SAMTOR: variants seen among roughly 807,000 people sequenced by gnomAD.
The protein encoded by SAMTOR is S-adenosylmethionine sensor upstream of mTORC1.
the SAMTOR span, among the ~76,000 whole-genome samples, chr7:112,928,113 G>A: frequency 2.6e-5 from 4 of 151,936 alleles, no homozygotes; most frequent in Non-Finnish European, 4.4e-5. Context: ...TTGTGATTAA[G>A]ACATTATTAC....
At chr7:112,871,059 TCAGA>T in the SAMTOR span, among the ~76,000 whole-genome samples, 1 of 152,104 alleles carries the variant, frequency 6.6e-6, no homozygotes, top group African/African-American at 2.4e-5. Context: ...AGGAAAAGAC[TCAGA>T]CAGCCACAGG....
the SAMTOR span, among the ~76,000 whole-genome samples, chr7:112,922,641 G>A: frequency 2.1e-4 from 32 of 149,774 alleles, no homozygotes; most frequent in African/African-American, 5.2e-4. Flanking sequence ...ACCTCTGCCC[G>A]GCCATGACCC....
the SAMTOR span, among the ~76,000 whole-genome samples, chr7:112,823,388 T>C: frequency 6.6e-6 from 1 of 152,194 alleles, no homozygotes; most frequent in South Asian, 2.1e-4. Context: ...TTCCCCTTTA[T>C]AGTCCCTTCC....
At chr7:112,848,575 G>A in the SAMTOR span, among the ~76,000 whole-genome samples, 1 of 152,148 alleles carries the variant, frequency 6.6e-6, no homozygotes, top group African/African-American at 2.4e-5. Flanking sequence ...GGAGCCTGCA[G>A]AATAAGCAAG....
the SAMTOR span, chr7:112,821,604 A>G: frequency 1.3e-6 from 1 of 785,354 alleles, no homozygotes; most frequent in Non-Finnish European, 1.9e-6. Flanking sequence ...TGAGAAGTAG[A>G]AAAAAATAGC....
chr7:112,854,983 C>G, the SAMTOR span, among the ~76,000 whole-genome samples: 2 of 152,146 alleles, frequency 1.3e-5, no homozygotes. Context: ...TTGCTATCAT[C>G]ATGAATATCA....
the SAMTOR span, among the ~76,000 whole-genome samples, chr7:112,901,981 A>G: frequency 6.6e-6 from 1 of 152,228 alleles, no homozygotes; most frequent in Non-Finnish European, 1.5e-5. Context: ...ATCAAGCCAT[A>G]AAAAGACACA....
the SAMTOR span, among the ~76,000 whole-genome samples, chr7:112,824,782 C>T: frequency 1.4e-4 from 22 of 152,250 alleles, no homozygotes; most frequent in East Asian, 3.9e-3. Context: ...GCAAAAATCA[C>T]GTACGTAAGT....
chr7:112,918,678 T>C, the SAMTOR span, among the ~76,000 whole-genome samples: 1 of 152,102 alleles, frequency 6.6e-6, no homozygotes, highest in Non-Finnish European at 1.5e-5. Context: ...TCAAGACCCA[T>C]CAGTGTGCTG....
the SAMTOR span, among the ~76,000 whole-genome samples, chr7:112,874,532 C>T: frequency 7.2e-5 from 11 of 152,012 alleles, no homozygotes. Context: ...AAAAACTTCC[C>T]ATTAGGTACT....
chr7:112,819,832 T>C, the SAMTOR span: 2 of 152,540 alleles, frequency 1.3e-5, no homozygotes, highest in African/African-American at 4.8e-5. Context: ...AGCATTTTCA[T>C]TTGGTGTATT....
the SAMTOR span, among the ~76,000 whole-genome samples, chr7:112,829,915 C>A: frequency 6.6e-6 from 1 of 152,212 alleles, no homozygotes; most frequent in Middle Eastern, 3.4e-3. Context: ...TTGGACAGTA[C>A]CTTATCTAGT....
chr7:112,833,219 C>A, the SAMTOR span, among the ~76,000 whole-genome samples: 1 of 152,134 alleles, frequency 6.6e-6, no homozygotes, highest in African/African-American at 2.4e-5. Context: ...CTGGAAAACT[C>A]CACTCTACAC....
the SAMTOR span, among the ~76,000 whole-genome samples, chr7:112,841,214 A>C: frequency 2.0e-5 from 3 of 152,182 alleles, no homozygotes; most frequent in African/African-American, 7.2e-5. Context: ...CCTTAAGCTG[A>C]TAAGCAACTT....
chr7:112,867,518 C>A, the SAMTOR span, among the ~76,000 whole-genome samples: 2 of 152,112 alleles, frequency 1.3e-5, no homozygotes, highest in African/African-American at 4.8e-5. Context: ...TACAAAACTA[C>A]CCATACGTGA....
the SAMTOR span, among the ~76,000 whole-genome samples, chr7:112,856,244 CT>C: frequency 6.7e-5 from 10 of 149,280 alleles, no homozygotes; most frequent in African/African-American, 2.0e-4. Context: ...TTTTTATTTA[CT>C]TTTTTTTTCT....
the SAMTOR span, among the ~76,000 whole-genome samples, chr7:112,935,736 C>T: frequency 2.0e-5 from 3 of 151,996 alleles, no homozygotes; most frequent in South Asian, 2.1e-4. Context: ...AAAATAAAAA[C>T]GAAATGGAAT....
the SAMTOR span, chr7:112,939,388 G>A: frequency 1.4e-6 from 1 of 710,402 alleles, no homozygotes; most frequent in Non-Finnish European, 2.3e-6. Context: ...TCTCCCGAAG[G>A]GCCCTCAAAG....
chr7:112,930,605 A>T, the SAMTOR span, among the ~76,000 whole-genome samples: 1 of 152,130 alleles, frequency 6.6e-6, no homozygotes, highest in African/African-American at 2.4e-5. Context: ...TAAAAATTCC[A>T]GGAGCCATCC....
Sources: allele counts gnomAD v4.1 joint callset (sites outside exome capture counted in the v4.1 genomes callset), GRCh38; gene constraint gnomAD v4.1.1; transcripts MANE v1.5; gene names NCBI Gene and HGNC (gene_info 2026-07-23, HGNC 2026-07-21).